Variants in ISM1 observed in about 807,000 individuals in gnomAD.
ISM1 encodes the protein isthmin-1.
A neutral mutation model predicts 46.3 loss-of-function variants in ISM1; 25 were observed. The ratio of observed to expected loss-of-function variants is 0.54; its 90% CI spans 0.39 to 0.75. ISM1 has a LOEUF of 0.75. ISM1 is among the 30% of genes least tolerant of loss of function. ISM1 has a pLI of 0.00. For missense variants in ISM1, 536 were observed against 625.4 expected (o/e 0.86, Z 1.52); for synonymous variants, 255 against 256.7 (o/e 0.99, Z 0.06).
intron 2 of ISM1, among the ~76,000 whole-genome samples, chr20:13,277,509 G>A (rs1047681814): frequency 6.6e-6 from 1 of 152,138 alleles, no homozygotes; most frequent in African/African-American, 2.4e-5. Context: ...CCAGCTGTGT[G>A]CTCCTTCTCC....
At chr20:13,240,732 G>A (rs917423328) in intron 1 of ISM1, among the ~76,000 whole-genome samples, 1 of 152,164 alleles carries the variant, frequency 6.6e-6, no homozygotes, top group African/African-American at 2.4e-5. Context: ...CAATAATTCA[G>A]GTAAGAGGTG....
At chr20:13,294,354 T>C (rs1394646380) in intron 5 of ISM1, among the ~76,000 whole-genome samples, 1 of 152,212 alleles carries the variant, frequency 6.6e-6, no homozygotes, top group Non-Finnish European at 1.5e-5. Flanking sequence ...AGGAACCGTC[T>C]GCAAATACAA....
chr20:13,324,610 G>A, the ISM1 span, among the ~76,000 whole-genome samples: 2 of 152,214 alleles, frequency 1.3e-5, no homozygotes, highest in African/African-American at 2.4e-5. Flanking sequence ...CAAATATTAA[G>A]GAAGCTTGCA....
intron 1 of ISM1, among the ~76,000 whole-genome samples, chr20:13,262,425 G>A (rs1369993929): frequency 1.3e-5 from 2 of 152,082 alleles, no homozygotes; most frequent in Non-Finnish European, 2.9e-5. Flanking sequence ...CATTTGCAGG[G>A]ATGTTTTAGG....
At chr20:13,323,608 T>A in the ISM1 span, among the ~76,000 whole-genome samples, 2 of 152,256 alleles carry the variant, frequency 1.3e-5, no homozygotes, top group African/African-American at 4.8e-5. Context: ...TCATTTAATC[T>A]TTATAACTAC....
At chr20:13,324,803 C>T in the ISM1 span, among the ~76,000 whole-genome samples, 2 of 152,184 alleles carry the variant, frequency 1.3e-5, no homozygotes, top group Non-Finnish European at 2.9e-5. Context: ...ATATTACATA[C>T]ATTTGAAGCT....
In ISM1 at chr20:13,300,565, G is replaced by A. The variant is rs2040449681; in HGVS notation, c.*1106G>A. 6.6e-6 allele frequency: 1 copy of A among 152,066 alleles called. No homozygotes were observed. Among genetic ancestry groups the A allele is most frequent in the Non-Finnish European group, 1.5e-5 (1 of 68,030 alleles). 9.4% of individuals were successfully genotyped at this position (152,066 alleles called of 1,614,324 possible). A position where few individuals can be genotyped will look rare whatever the true frequency, so the allele number is the denominator to read the frequency against. ...ACCTGGTCCTATGGGGTAGAACTTA[G>A]GAAAAATAAAGTTGGTTCTTATTCA... is the stretch of plus-strand genomic sequence containing the variant. On this transcript the variant is annotated 3_prime_UTR_variant, in exon 6 of 6. Coordinates refer to ENST00000262487, the MANE Select transcript of ISM1 (RefSeq NM_080826.2).
chr20:13,284,575 C>T (rs2040271246), intron 3 of ISM1, among the ~76,000 whole-genome samples: 1 of 152,192 alleles, frequency 6.6e-6, no homozygotes, highest in Non-Finnish European at 1.5e-5. Flanking sequence ...GAGCACTGCC[C>T]TCAATGATTT....
intron 1 of ISM1, among the ~76,000 whole-genome samples, chr20:13,242,516 G>A (rs1600495802): frequency 6.6e-6 from 1 of 152,310 alleles, no homozygotes. Context: ...AGAAGGTCCA[G>A]TAAAAGGTTT....
chr20:13,229,737 G>A (rs2039567598), intron 1 of ISM1, among the ~76,000 whole-genome samples: 1 of 152,054 alleles, frequency 6.6e-6, no homozygotes, highest in Non-Finnish European at 1.5e-5. Context: ...ATTCTTCTAG[G>A]GAAACTGACT....
rs1464123545 is a variant in ISM1 at position 13,299,802 on chromosome 20, G to A, written c.*343G>A. The A allele has an allele frequency of 8.7e-6, 2 of 229,572 alleles. No individual in the cohort carries two copies. The highest frequency in any genetic ancestry group is 5.0e-5 in the Admixed American group (1 of 20,188). 14.2% of individuals were successfully genotyped at this position (229,572 alleles called of 1,614,324 possible). ...AGAGTTTCAAAGAGAGGCAAAGGGG[G>A]AAAGAGACTGAGGTTGTAAACGTTA... On this transcript the variant is annotated 3_prime_UTR_variant, in exon 6 of 6. Transcript: ENST00000262487. This position sits in a 1 kb window ranked among gnomAD's most constrained non-coding sequence, Gnocchi z 5.8.
At chr20:13,321,940 G>A in the ISM1 span, among the ~76,000 whole-genome samples, 3 of 152,210 alleles carry the variant, frequency 2.0e-5, no homozygotes, top group Non-Finnish European at 2.9e-5. Context: ...CCATGCCTTC[G>A]TTTCTTCATT....
chr20:13,316,377 A>C, the ISM1 span, among the ~76,000 whole-genome samples: 1 of 152,004 alleles, frequency 6.6e-6, no homozygotes, highest in Non-Finnish European at 1.5e-5. Flanking sequence ...AAAAGAAATT[A>C]TTTCAATTCT....
downstream of ISM1, among the ~76,000 whole-genome samples, chr20:13,305,156 C>A (rs1267448360): frequency 6.7e-6 from 1 of 148,362 alleles, no homozygotes; most frequent in Non-Finnish European, 1.5e-5. Context: ...CTCATTCTGG[C>A]CAGAGACAGG....
chr20:13,249,642 G>C (rs899781924), intron 1 of ISM1, among the ~76,000 whole-genome samples: 11 of 152,198 alleles, frequency 7.2e-5, no homozygotes, highest in Non-Finnish European at 2.9e-5. Flanking sequence ...CTCTGTAGTG[G>C]AATGCTGCTG....
chr20:13,246,368 C>T (rs1050057813), intron 1 of ISM1, among the ~76,000 whole-genome samples: 5 of 152,016 alleles, frequency 3.3e-5, no homozygotes, highest in Admixed American at 6.6e-5. Flanking sequence ...GTGAATATTG[C>T]ATTCTTCCTG....
chr20:13,323,973 T>C, the ISM1 span, among the ~76,000 whole-genome samples: 3 of 152,202 alleles, frequency 2.0e-5, no homozygotes, highest in Non-Finnish European at 4.4e-5. Context: ...GTTAGCTGCT[T>C]TTAGGGTGTG....
rs532351003 is a variant in ISM1, at chr20:13,299,416, A to G, written c.1352A>G (p.Asp451Gly). The G allele has an allele frequency of 6.2e-7, 1 of 1,610,650 alleles. No individual in the cohort carries two copies. Among genetic ancestry groups the G allele is most frequent in the African/African-American group, 1.3e-5 (1 of 75,064 alleles). Residue 451 changes from aspartate to glycine, a missense_variant, in exon 6 of 6, where the codon GAC becomes GGC. Coordinates refer to ENST00000262487, the MANE Select transcript of ISM1 (RefSeq NM_080826.2). This position sits in a 1 kb window ranked among gnomAD's most constrained non-coding sequence, Gnocchi z 5.8. Reference sequence around the variant, plus strand: ...CAGAAGTGCACAGAGAGCCCCTCGGACGAGGACTACATCAAGCAGTTCCAA... The same window carrying G: ...CAGAAGTGCACAGAGAGCCCCTCGGGCGAGGACTACATCAAGCAGTTCCAA... ...NGQKCTESPS[D>G]EDYIKQFQEA...
chr20:13,292,679 T>C (rs1396878102), intron 5 of ISM1, among the ~76,000 whole-genome samples: 1 of 152,170 alleles, frequency 6.6e-6, no homozygotes, highest in East Asian at 1.9e-4. Flanking sequence ...GTGTTCACTC[T>C]GCTCTCTATG....
Sources: allele counts gnomAD v4.1 joint callset (sites outside exome capture counted in the v4.1 genomes callset), GRCh38; gene constraint gnomAD v4.1.1; non-coding constraint Gnocchi (gnomAD v3.1); transcripts MANE v1.5; gene names NCBI Gene and HGNC (gene_info 2026-07-23, HGNC 2026-07-21).